The following ANGPT1 variants were observed in gnomAD, a reference collection of about 807,000 sequenced individuals.
The protein encoded by ANGPT1 is angiopoietin-1.
A neutral mutation model predicts 62.2 loss-of-function variants in ANGPT1; 17 were observed. That is an observed-to-expected ratio of 0.27 (90% CI 0.19 to 0.41). The LOEUF (loss-of-function observed/expected upper bound fraction) is 0.41. ANGPT1 is among the 10% of genes least tolerant of loss of function. ANGPT1 has a pLI of 1.00. For synonymous variants in ANGPT1, 199 were observed against 198.9 expected, an observed-to-expected ratio of 1.00 and a Z score of 0.00; for missense variants, 478 against 594.9, an observed-to-expected ratio of 0.80 and a Z score of 2.04.
intron 1 of ANGPT1, among the ~76,000 whole-genome samples, chr8:107,426,206 G>A (rs1303897723): frequency 1.3e-5 from 2 of 152,030 alleles, no homozygotes; most frequent in Non-Finnish European, 2.9e-5. Flanking sequence ...TGCGCGTGAG[G>A]GATCCTGAAG....
intron 6 of ANGPT1, among the ~76,000 whole-genome samples, chr8:107,286,869 C>T (rs1190256252): frequency 6.6e-6 from 1 of 152,152 alleles, no homozygotes; most frequent in Non-Finnish European, 1.5e-5. Flanking sequence ...GAATTTTACA[C>T]ATTTTTATGG....
At chr8:107,447,731 C>A (rs1811656461) in intron 1 of ANGPT1, among the ~76,000 whole-genome samples, 1 of 152,132 alleles carries the variant, frequency 6.6e-6, no homozygotes, top group Non-Finnish European at 1.5e-5. Flanking sequence ...AATGAGGCTC[C>A]TAGGCAATGA....
chr8:107,489,195 C>T (rs1161736864), intron 1 of ANGPT1, among the ~76,000 whole-genome samples: 4 of 152,068 alleles, frequency 2.6e-5, no homozygotes, highest in South Asian at 4.1e-4. Context: ...TGAGTTTGGT[C>T]GCTTATAGGT....
intron 1 of ANGPT1, among the ~76,000 whole-genome samples, chr8:107,354,923 T>G (rs553436502): frequency 4.6e-5 from 7 of 151,966 alleles, no homozygotes; most frequent in African/African-American, 1.7e-4. Context: ...TTGCTTTTTT[T>G]TTTTTTTTTG....
intron 7 of ANGPT1, among the ~76,000 whole-genome samples, chr8:107,276,687 C>T (rs1416839048): frequency 6.6e-6 from 1 of 151,940 alleles, no homozygotes; most frequent in Admixed American, 6.6e-5. Context: ...CCTCATTTTA[C>T]TTCTGAGGAT....
chr8:107,413,850 A>G (rs1810656927), intron 1 of ANGPT1, among the ~76,000 whole-genome samples: 1 of 152,122 alleles, frequency 6.6e-6, no homozygotes, highest in South Asian at 2.1e-4. Flanking sequence ...ATGGCAGGGC[A>G]GTTAGTCTTG....
intron 8 of ANGPT1, among the ~76,000 whole-genome samples, chr8:107,253,482 T>C (rs1272848589): frequency 6.6e-6 from 1 of 152,216 alleles, no homozygotes; most frequent in East Asian, 1.9e-4. Context: ...ACTTGATTGA[T>C]TCTGTTTTTA....
chr8:107,436,697 C>A (rs1563622117), intron 1 of ANGPT1, among the ~76,000 whole-genome samples: 1 of 152,174 alleles, frequency 6.6e-6, no homozygotes, highest in African/African-American at 2.4e-5. Context: ...CAAAATAGAA[C>A]CCAACACTGA....
chr8:107,455,913 C>G (rs1408107866), intron 1 of ANGPT1, among the ~76,000 whole-genome samples: 1 of 151,928 alleles, frequency 6.6e-6, no homozygotes, highest in Non-Finnish European at 1.5e-5. Context: ...AAATACACAA[C>G]TTGGGGATTG....
At chr8:107,353,589 T>C (rs1815978031) in intron 1 of ANGPT1, among the ~76,000 whole-genome samples, 2 of 152,156 alleles carry the variant, frequency 1.3e-5, no homozygotes, top group South Asian at 2.1e-4. Flanking sequence ...CCCCTGGTCA[T>C]TGAGCCTCAG....
rs75762460 is a variant in ANGPT1 at position 107,350,952 on chromosome 8, T to C, written c.298-3855A>G. ...CATAGCAGCCAGGTTCAGAAAAGATTTGTAACAAATTTGATTGTCTTCATA... is the reference window on the plus strand; with the variant it reads ...CATAGCAGCCAGGTTCAGAAAAGATCTGTAACAAATTTGATTGTCTTCATA... On this transcript the variant is annotated intron_variant, in intron 1 of 8. Transcript: ENST00000517746. Among the ~76,000 whole-genome samples, 581 of 152,232 alleles carry C rather than the reference T, an allele frequency of 3.8e-3. 6 individuals are homozygous for C. Among genetic ancestry groups the C allele is most frequent in the African/African-American group, 0.013 (559 of 41,572 alleles).
chr8:107,432,592 A>G (rs1323284275), intron 1 of ANGPT1, among the ~76,000 whole-genome samples: 3 of 150,690 alleles, frequency 2.0e-5, no homozygotes, highest in Non-Finnish European at 4.4e-5. Context: ...TGAACCCGGG[A>G]GGCAGAGCTT....
chr8:107,475,796 A>G (rs1812508089), intron 1 of ANGPT1, among the ~76,000 whole-genome samples: 1 of 152,234 alleles, frequency 6.6e-6, no homozygotes, highest in Admixed American at 6.5e-5. Flanking sequence ...GACACTTCTC[A>G]AAAGAAGGCA....
chr8:107,364,152 C>A (rs867599861), intron 1 of ANGPT1, among the ~76,000 whole-genome samples: 1 of 152,212 alleles, frequency 6.6e-6, no homozygotes, highest in Middle Eastern at 3.4e-3. Flanking sequence ...TTAAGGCCAC[C>A]AGTGGACTTA....
intron 1 of ANGPT1, among the ~76,000 whole-genome samples, chr8:107,477,661 C>A (rs1812566994): frequency 6.6e-6 from 1 of 152,140 alleles, no homozygotes; most frequent in Non-Finnish European, 1.5e-5. Flanking sequence ...TTCCTGCTTT[C>A]TTTGCCACAT....
chr8:107,354,997 G>A (rs1427588310), intron 1 of ANGPT1, among the ~76,000 whole-genome samples: 1 of 149,386 alleles, frequency 6.7e-6, no homozygotes, highest in African/African-American at 2.5e-5. Flanking sequence ...TGCAACCTTC[G>A]CCTCTCGGGT....
intron 1 of ANGPT1, among the ~76,000 whole-genome samples, chr8:107,492,154 A>G (rs1359317616): frequency 6.6e-6 from 1 of 152,186 alleles, no homozygotes; most frequent in Non-Finnish European, 1.5e-5. Flanking sequence ...CTTGGCTTGA[A>G]AATCAGAGGT....
Position 107,497,590 on chromosome 8 carries a change from C to T in ANGPT1, c.-32G>A, listed in dbSNP as rs1412578101. 1.3e-6 allele frequency: 2 copies of T among 1,593,668 alleles called. No homozygotes were observed. Among genetic ancestry groups the T allele is most frequent in the Non-Finnish European group, 1.7e-6 (2 of 1,167,674 alleles). On this transcript the variant is annotated 5_prime_UTR_variant, in exon 1 of 9. Transcript: ENST00000517746. Reference sequence around the variant, plus strand: ...GCCAGCACACTCCTTCCGTGCCTCTCGCAAAACTTGCTCCTTTCTTCTGAC... The same window carrying T: ...GCCAGCACACTCCTTCCGTGCCTCTTGCAAAACTTGCTCCTTTCTTCTGAC...
intron 8 of ANGPT1, among the ~76,000 whole-genome samples, chr8:107,261,751 G>A (rs1426651141): frequency 6.6e-6 from 1 of 151,866 alleles, no homozygotes; most frequent in East Asian, 1.9e-4. Flanking sequence ...ATATGATAGA[G>A]GCAGAATCAT....
Sources: allele counts gnomAD v4.1 joint callset (sites outside exome capture counted in the v4.1 genomes callset), GRCh38; gene constraint gnomAD v4.1.1; transcripts MANE v1.5; gene names NCBI Gene and HGNC (gene_info 2026-07-23, HGNC 2026-07-21).